DBT: variants seen among roughly 807,000 people sequenced by gnomAD.
DBT encodes the protein lipoamide acyltransferase component of branched-chain alpha-keto acid dehydrogenase complex, mitochondrial.
DBT carries 40 observed loss-of-function variants against 51.3 expected under a neutral mutation model. That is an observed-to-expected ratio of 0.78 (90% CI 0.61 to 1.02). DBT has a LOEUF of 1.02. Ranked by LOEUF, DBT falls within the 50% of genes least tolerant of loss-of-function variation. The pLI, the probability that DBT is intolerant of heterozygous loss-of-function variation, is 0.00. For synonymous variants in DBT, 181 were observed against 190.4 expected (o/e 0.95, Z 0.41); for missense variants, 510 against 580.2 (o/e 0.88, Z 1.24).
chr1:100,187,207 C>T lies in DBT; in HGVS notation c.*9048G>A, dbSNP rs1660605144. ...GCAAACTTATTGGGGGTAATTTAAA[C>T]CCCAAATCGGAAGAATAGAATAAAA... On this transcript the variant is annotated 3_prime_UTR_variant, in exon 11 of 11. Coordinates refer to ENST00000370132, the MANE Select transcript of DBT (RefSeq NM_001918.5). 2.0e-5 allele frequency: 3 copies of T among 152,018 alleles called. No homozygotes were observed. The highest frequency in any genetic ancestry group is 7.3e-5 in the African/African-American group (3 of 41,374). The allele number at this position is 152,018 out of a possible 1,614,324, so 9.4% of individuals were successfully genotyped here. A position where few individuals can be genotyped will look rare whatever the true frequency, so the allele number is the denominator to read the frequency against.
intron 4 of DBT, among the ~76,000 whole-genome samples, chr1:100,228,714 C>A (rs1438126494): frequency 1.3e-5 from 2 of 152,064 alleles, no homozygotes; most frequent in African/African-American, 2.4e-5. Flanking sequence ...GAGCTGAGAT[C>A]GCACCACTGC....
In DBT at chr1:100,243,418, G is replaced by A. The variant is rs144631513; in HGVS notation, c.52-2534C>T. Among the ~76,000 whole-genome samples the A allele has an allele frequency of 8.9e-3, 1,341 of 151,314 alleles. 24 individuals are homozygous for A. Among genetic ancestry groups the A allele is most frequent in the African/African-American group, 0.031 (1,292 of 41,268 alleles). ...CAACCTCCGCCTCCCAGGTTCATGCGATTCTCGTGCCTCAGCCTCCCAAGT... is the reference window on the plus strand; with the variant it reads ...CAACCTCCGCCTCCCAGGTTCATGCAATTCTCGTGCCTCAGCCTCCCAAGT... On this transcript the variant is annotated intron_variant, in intron 1 of 10. Coordinates refer to ENST00000370132, the MANE Select transcript of DBT (RefSeq NM_001918.5).
Position 100,212,894 on chromosome 1 carries a change from T to C in DBT, c.939+1923A>G, listed in dbSNP as rs187624779. ...CATTTGTATGCCACACTAAGGAGTA[T>C]GGCATACAAATTATCCTGAAGGTAA... On this transcript the variant is annotated intron_variant, in intron 7 of 10. Coordinates refer to ENST00000370132, the MANE Select transcript of DBT (RefSeq NM_001918.5). 1.4e-3 allele frequency among the ~76,000 whole-genome samples: 217 copies of C among 152,234 alleles called. 5 individuals are homozygous for C. Among genetic ancestry groups the C allele is most frequent in the Admixed American group, 0.014 (217 of 15,304 alleles).
At chr1:100,215,822 CA>C (rs910573290) in intron 6 of DBT, among the ~76,000 whole-genome samples, 160 bp downstream of exon 6, 1 of 149,676 alleles carries the variant, frequency 6.7e-6, no homozygotes, top group Non-Finnish European at 1.5e-5. Flanking sequence ...AACTCCATCT[CA>C]AAAAAAAAGA....
chr1:100,226,877 G>A (rs1570831587), intron 4 of DBT, among the ~76,000 whole-genome samples: 1 of 152,178 alleles, frequency 6.6e-6, no homozygotes, highest in East Asian at 1.9e-4. Context: ...AATAATGATT[G>A]TAATTAATTA....
In DBT at chr1:100,187,949, A is replaced by C. The variant is rs1042314261; in HGVS notation, c.*8306T>G. ...TGAAACTGGAGTATACTGCACTTAT[A>C]TATCATTATTTCTAATATACACCTA... On this transcript the variant is annotated 3_prime_UTR_variant, in exon 11 of 11. Coordinates refer to ENST00000370132, the MANE Select transcript of DBT (RefSeq NM_001918.5). 5 of 152,162 alleles carry C rather than the reference A, an allele frequency of 3.3e-5. No homozygotes were observed. Among genetic ancestry groups the C allele is most frequent in the Non-Finnish European group, 7.3e-5 (5 of 68,034 alleles). The allele number at this position is 152,162 out of a possible 1,614,324, so 9.4% of individuals were successfully genotyped here. A position where few individuals can be genotyped will look rare whatever the true frequency, so the allele number is the denominator to read the frequency against.
chr1:100,237,135 C>T (rs115811346), intron 2 of DBT, among the ~76,000 whole-genome samples: 16 of 152,280 alleles, frequency 1.1e-4, no homozygotes, highest in South Asian at 2.1e-4. Flanking sequence ...CTCAAAAGTC[C>T]GCACAGCTTC....
intron 3 of DBT, among the ~76,000 whole-genome samples, chr1:100,231,264 T>A (rs975479406): frequency 6.6e-6 from 1 of 152,220 alleles, no homozygotes; most frequent in Admixed American, 6.5e-5. Flanking sequence ...TTTTCCAAAC[T>A]TTAAGGGATG....
chr1:100,241,613 A>C (rs1293947013), intron 1 of DBT, among the ~76,000 whole-genome samples: 1 of 152,254 alleles, frequency 6.6e-6, no homozygotes, highest in East Asian at 1.9e-4. Context: ...CCCAGGCTGG[A>C]CTTGAAGTCC....
At chr1:100,202,710 G>C (rs1661528295) in intron 10 of DBT, among the ~76,000 whole-genome samples, 1 of 152,016 alleles carries the variant, frequency 6.6e-6, no homozygotes, top group South Asian at 2.1e-4. Context: ...GCAAAAGAAT[G>C]GAAACAATAA....
At chr1:100,202,291 C>G (rs1308809348) in intron 10 of DBT, among the ~76,000 whole-genome samples, 1 of 151,844 alleles carries the variant, frequency 6.6e-6, no homozygotes. Context: ...GACTTTAAAC[C>G]AACAAAGATA....
intron 3 of DBT, among the ~76,000 whole-genome samples, chr1:100,233,078 A>G (rs1311423902): frequency 6.6e-5 from 10 of 152,130 alleles, no homozygotes; most frequent in African/African-American, 2.2e-4. Flanking sequence ...AACAACACAA[A>G]TGGTAAAAAG....
At position 100,189,602 on chromosome 1, in the gene DBT, G is replaced by T. The variant is rs533336847; in HGVS notation, c.*6653C>A. On this transcript the variant is annotated 3_prime_UTR_variant, in exon 11 of 11. Transcript: ENST00000370132. ...GAGTTGTGGCCAACACTGATTACAG[G>T]TGAGCACTGGGGAAAAAAGCCAGGA... is the stretch of plus-strand genomic sequence containing the variant. The T allele has an allele frequency of 7.2e-5, 11 of 152,294 alleles. No individual in the cohort carries two copies. Among genetic ancestry groups the T allele is most frequent in the Admixed American group, 2.0e-4 (3 of 15,294 alleles). The allele number at this position is 152,294 out of a possible 1,614,324, so 9.4% of individuals were successfully genotyped here.
chr1:100,214,781 C>G (rs1662383509), intron 7 of DBT, 36 bp downstream of exon 7: 1 of 1,601,586 alleles, frequency 6.2e-7, no homozygotes, highest in East Asian at 2.2e-5. Flanking sequence ...AAATAAATGT[C>G]CTACTCAAGC....
In DBT at chr1:100,187,481, CTTTG is replaced by C. The variant is rs546004187; in HGVS notation, c.*8770_*8773del. The stretch of plus-strand genomic sequence containing the variant: ...ATAATCCTGTGCAAACTATGTAATA[CTTTG>C]TTTGTAGGATATTAACCCAACTTTC... On this transcript the variant is annotated 3_prime_UTR_variant, in exon 11 of 11. Coordinates refer to ENST00000370132, the MANE Select transcript of DBT (RefSeq NM_001918.5). The C allele has an allele frequency of 2.6e-5, 4 of 152,136 alleles. No individual in the cohort carries two copies. The highest frequency in any genetic ancestry group is 4.8e-5 in the African/African-American group (2 of 41,434). The allele number at this position is 152,136 out of a possible 1,614,324, so 9.4% of individuals were successfully genotyped here. A position where few individuals can be genotyped will look rare whatever the true frequency, so the allele number is the denominator to read the frequency against.
chr1:100,211,152 G>C, intron 7 of DBT: 3 of 778,274 alleles, frequency 3.9e-6, no homozygotes, highest in Non-Finnish European at 7.2e-6. Context: ...AAAAAAGCAG[G>C]TAAGCTATTT....
intron 10 of DBT, among the ~76,000 whole-genome samples, chr1:100,197,207 A>T (rs190494457): frequency 6.6e-6 from 1 of 152,336 alleles, no homozygotes; most frequent in Admixed American, 6.5e-5. Flanking sequence ...CTTTTTCTAT[A>T]CTGATCTCCT....
Position 100,194,826 on chromosome 1 carries a change from C to A in DBT, c.*1429G>T, listed in dbSNP as rs1660997836. On this transcript the variant is annotated 3_prime_UTR_variant, in exon 11 of 11. Coordinates refer to ENST00000370132, the MANE Select transcript of DBT (RefSeq NM_001918.5). Reference sequence around the variant, plus strand: ...AAATTATTTCCATTTTGAGAAAAACCAAGTAGATATTAAAACAACCTTTTT... The same window carrying A: ...AAATTATTTCCATTTTGAGAAAAACAAAGTAGATATTAAAACAACCTTTTT... 2 of 152,092 alleles carry A rather than the reference C, an allele frequency of 1.3e-5. No individual in the cohort carries two copies. The highest frequency in any genetic ancestry group is 6.5e-5 in the Admixed American group (1 of 15,272). The allele number at this position is 152,092 out of a possible 1,614,324, so 9.4% of individuals were successfully genotyped here. A position where few individuals can be genotyped will look rare whatever the true frequency, so the allele number is the denominator to read the frequency against.
At position 100,225,022 on chromosome 1, in the gene DBT, CA is replaced by C. The variant is rs1553231585; in HGVS notation, c.433+5710del. Among the ~76,000 whole-genome samples the C allele has an allele frequency of 1.4e-3, 90 of 64,808 alleles. 7 individuals carry two copies. Among genetic ancestry groups the C allele is most frequent in the African/African-American group, 6.4e-3 (73 of 11,460 alleles). 42.5% of individuals were successfully genotyped at this position (64,808 alleles called of 152,430 possible). A position where few individuals can be genotyped will look rare whatever the true frequency, so the allele number is the denominator to read the frequency against. ...GACAGAGTGAGACTCCGTCTCCCCC[CA>C]AAAAAAAAAAAAAAAAAAAATATAT... On this transcript the variant is annotated intron_variant, in intron 4 of 10. Coordinates refer to ENST00000370132, the MANE Select transcript of DBT (RefSeq NM_001918.5).
Sources: allele counts gnomAD v4.1 joint callset (sites outside exome capture counted in the v4.1 genomes callset), GRCh38; gene constraint gnomAD v4.1.1; transcripts MANE v1.5; gene names NCBI Gene and HGNC (gene_info 2026-07-23, HGNC 2026-07-21).